MEIS2: variants seen among roughly 807,000 people sequenced by gnomAD.
MEIS2 encodes Meis homeobox 2.
Under a neutral mutation model 58.6 loss-of-function variants are expected in MEIS2, and 9 were observed. That is an observed-to-expected ratio of 0.15 (90% CI 0.09 to 0.27). The LOEUF is 0.27. MEIS2 is among the 10% of genes least tolerant of loss of function. The probability of loss-of-function intolerance (pLI) is 1.00; values close to 1 mark genes in which losing one functional copy is unlikely to be tolerated. For missense variants in MEIS2, 427 were observed against 635.0 expected (o/e 0.67, Z 3.52); for synonymous variants, 221 against 228.4 (o/e 0.97, Z 0.29).
At chr15:37,019,213 A>T (rs752566205) in intron 8 of MEIS2, among the ~76,000 whole-genome samples, 5 of 152,202 alleles carry the variant, frequency 3.3e-5, no homozygotes, top group Admixed American at 6.5e-5. Context: ...ATCCAAATAA[A>T]CAGCACTAGT....
chr15:37,077,184 T>A (rs1011267710), intron 7 of MEIS2, among the ~76,000 whole-genome samples: 2 of 152,090 alleles, frequency 1.3e-5, no homozygotes, highest in African/African-American at 4.8e-5. Flanking sequence ...GACATATAAA[T>A]ACCCTGATCC....
At chr15:37,082,196 G>A (rs1192705548) in intron 7 of MEIS2, among the ~76,000 whole-genome samples, 1 of 152,162 alleles carries the variant, frequency 6.6e-6, no homozygotes, top group East Asian at 1.9e-4. Flanking sequence ...AATGCTTGAA[G>A]CGTTAACGTA....
At position 36,889,603 on chromosome 15, in the gene MEIS2, C is replaced by G. The variant is rs2055784728; in HGVS notation, c.*2570G>C. Reference sequence around the variant, plus strand: ...TCATTAAAACCAAGAGTTGAGAGCTCTGGTCTCTAAACTTCAATGAGATAA... The same window carrying G: ...TCATTAAAACCAAGAGTTGAGAGCTGTGGTCTCTAAACTTCAATGAGATAA... On this transcript the variant is annotated 3_prime_UTR_variant, in exon 12 of 12. Coordinates refer to ENST00000561208, the MANE Select transcript of MEIS2 (RefSeq NM_170675.5). 6.6e-6 allele frequency: 1 copy of G among 152,130 alleles called. No homozygotes were observed. The allele number at this position is 152,130 out of a possible 1,614,324, so 9.4% of individuals were successfully genotyped here.
chr15:37,068,771 A>C (rs1163435221), intron 7 of MEIS2, among the ~76,000 whole-genome samples: 1 of 152,184 alleles, frequency 6.6e-6, no homozygotes, highest in Non-Finnish European at 1.5e-5. Flanking sequence ...CTCCATGCAC[A>C]TGAAAAAGTT....
At chr15:37,098,327 G>A (rs1253879024) in intron 1 of MEIS2, 128 bp from the exon 2 acceptor site, 28 of 1,337,570 alleles carry the variant, frequency 2.1e-5, no homozygotes, top group Non-Finnish European at 2.7e-5. Context: ...AGATGAGAGA[G>A]AGGGAGGGAG....
chr15:36,987,125 T>C lies in MEIS2; in HGVS notation c.901-36725A>G, dbSNP rs566062318. On this transcript the variant is annotated intron_variant, in intron 8 of 11. Transcript: ENST00000561208. ...AGAGTACACACAAGGAAATGGGAGA[T>C]GGTCAGGTGCCACGGCTCACAGCTA... Among the ~76,000 whole-genome samples the C allele has an allele frequency of 4.2e-4, 64 of 151,984 alleles. 1 individual carries two copies. The South Asian group carries it at 0.013, about 30-fold the overall frequency.
intron 8 of MEIS2, among the ~76,000 whole-genome samples, chr15:36,953,581 C>T (rs1013656606): frequency 6.6e-6 from 1 of 152,060 alleles, no homozygotes; most frequent in Non-Finnish European, 1.5e-5. Context: ...TTAGGATTCC[C>T]CTCATCAAGA....
At chr15:37,065,648 T>C (rs916563846) in intron 7 of MEIS2, among the ~76,000 whole-genome samples, 2 of 152,224 alleles carry the variant, frequency 1.3e-5, no homozygotes, top group African/African-American at 2.4e-5. Flanking sequence ...TTAAAGCCCA[T>C]CTAGAGAACA....
chr15:36,934,004 T>TAA (rs2058074436), intron 9 of MEIS2, among the ~76,000 whole-genome samples: 1 of 152,246 alleles, frequency 6.6e-6, no homozygotes, highest in Admixed American at 6.5e-5. Context: ...ATTTGTCAGC[T>TAA]ATGCATATCA....
chr15:36,897,832 G>A (rs974190936), intron 9 of MEIS2: 3 of 152,108 alleles, frequency 2.0e-5, no homozygotes, highest in African/African-American at 7.2e-5. Context: ...CATGATTAAT[G>A]AGTCCACCTG....
intron 8 of MEIS2, among the ~76,000 whole-genome samples, chr15:37,027,075 G>C (rs1378423398): frequency 6.6e-6 from 1 of 152,166 alleles, no homozygotes; most frequent in Non-Finnish European, 1.5e-5. Context: ...AATCAATTTA[G>C]AAAGTGGCAC....
chr15:36,969,451 T>A (rs2059460692), intron 8 of MEIS2, among the ~76,000 whole-genome samples: 1 of 152,218 alleles, frequency 6.6e-6, no homozygotes, highest in Non-Finnish European at 1.5e-5. Context: ...ACGAAAGTGT[T>A]TTTTCCTTAT....
At chr15:36,991,355 G>A (rs2060266304) in intron 8 of MEIS2, among the ~76,000 whole-genome samples, 1 of 151,606 alleles carries the variant, frequency 6.6e-6, no homozygotes, top group Non-Finnish European at 1.5e-5. Context: ...TTTTATCATG[G>A]GACAGAATCA....
At chr15:36,988,541 G>C (rs1026343507) in intron 8 of MEIS2, among the ~76,000 whole-genome samples, 1 of 152,192 alleles carries the variant, frequency 6.6e-6, no homozygotes, top group Non-Finnish European at 1.5e-5. Context: ...ATAGATAACA[G>C]TCCTGAGGAA....
chr15:36,915,297 A>C (rs2057226943), intron 9 of MEIS2, among the ~76,000 whole-genome samples: 1 of 152,090 alleles, frequency 6.6e-6, no homozygotes, highest in Non-Finnish European at 1.5e-5. Context: ...AAACCTAGAA[A>C]AAGCTTGGAT....
intron 8 of MEIS2, among the ~76,000 whole-genome samples, chr15:37,035,173 C>G (rs915580047): frequency 4.6e-5 from 7 of 152,308 alleles, no homozygotes; most frequent in Non-Finnish European, 1.0e-4. Context: ...CACTGCCGTT[C>G]TTAGTTGCTA....
At chr15:37,092,649 T>TTTC (rs1008938841) in intron 6 of MEIS2, among the ~76,000 whole-genome samples, 1 of 143,688 alleles carries the variant, frequency 7.0e-6, no homozygotes, top group African/African-American at 2.6e-5. Flanking sequence ...AGCTGCAATC[T>TTTC]TTCTTCTCTT....
Position 37,095,613 on chromosome 15 carries a change from A to G in MEIS2, c.389T>C (p.Val130Ala). The G allele has an allele frequency of 1.2e-6, 2 of 1,614,206 alleles. No individual in the cohort carries two copies. The highest frequency in any genetic ancestry group is 2.2e-5 in the South Asian group (2 of 91,088). ...NEDIAVFAKQ[V>A]RAEKPLFSSN... ...GGAAAAAAGTGGCTTTTCGGCGCGA[A>G]CCTGTAAGAAACAGAGAGTCAACTT... Residue 130 changes from valine (V) to alanine (A), a missense_variant and splice_region_variant, in exon 4 of 12, where the codon GTT (valine) becomes GCT (alanine). By Grantham distance (64) the Val-to-Ala change is moderately conservative. Around this residue, in one of 6 missense-constraint regions of MEIS2, gnomAD observed 138 missense variants for 263.0 expected, o/e 0.52. Transcript: ENST00000561208.
intron 8 of MEIS2, among the ~76,000 whole-genome samples, chr15:36,952,203 T>C (rs1475750352): frequency 6.6e-6 from 1 of 152,128 alleles, no homozygotes; most frequent in Non-Finnish European, 1.5e-5. Flanking sequence ...GGAAAAGGCC[T>C]GGAGTACAAA....
Sources: gnomAD v4.1 joint callset for allele counts (sites outside exome capture counted in the v4.1 genomes callset) on GRCh38, gnomAD v4.1.1 for gene constraint, gnomAD v4.1.1 regional missense constraint, MANE v1.5 for transcripts, NCBI Gene and HGNC (gene_info 2026-07-23, HGNC 2026-07-21) for gene names.